Variants in CDH20 observed in about 807,000 individuals in gnomAD.
CDH20 encodes the protein cadherin-20.
In CDH20, 29 loss-of-function variants were observed where a neutral mutation model predicts 74.2. The ratio of observed to expected loss-of-function variants is 0.39; its 90% CI spans 0.29 to 0.53. The LOEUF (loss-of-function observed/expected upper bound fraction) is 0.53. Among genes scored for constraint, CDH20 ranks in the 20% least tolerant of loss-of-function variants. The probability of loss-of-function intolerance (pLI) is 0.69; values close to 1 mark genes in which losing one functional copy is unlikely to be tolerated. For synonymous variants in CDH20, 469 were observed against 405.4 expected (o/e 1.16, Z -1.88); for missense variants, 988 against 1,048.3 (o/e 0.94, Z 0.79).
intron 1 of CDH20, among the ~76,000 whole-genome samples, chr18:61,371,035 C>G (rs1911020979): frequency 6.6e-6 from 1 of 152,032 alleles, no homozygotes; most frequent in African/African-American, 2.4e-5. Flanking sequence ...TAATACAACT[C>G]TTTGTTGATG....
chr18:61,509,818 G>T (rs1454225434), intron 6 of CDH20, among the ~76,000 whole-genome samples: 1 of 152,150 alleles, frequency 6.6e-6, no homozygotes, highest in Admixed American at 6.5e-5. Flanking sequence ...TAGTGGGAAT[G>T]GAGGTGATAA....
rs560095288 is a variant in CDH20 at position 61,396,491 on chromosome 18, C to T, written c.-153+62664C>T. Reference sequence around the variant, plus strand: ...TCAAACTCAACCTCATCACAGCCCACTGATATTTCCAGAATCAACAGTGAC... The same window carrying T: ...TCAAACTCAACCTCATCACAGCCCATTGATATTTCCAGAATCAACAGTGAC... On this transcript the variant is annotated intron_variant, in intron 1 of 11. Transcript: ENST00000262717. 1.3e-4 allele frequency among the ~76,000 whole-genome samples: 20 copies of T among 152,284 alleles called. 1 individual carries two copies. In the South Asian group the frequency reaches 3.5e-3, roughly 27 times the overall value.
chr18:61,414,021 C>T (rs1912602499), intron 1 of CDH20, among the ~76,000 whole-genome samples: 1 of 152,146 alleles, frequency 6.6e-6, no homozygotes, highest in South Asian at 2.1e-4. Context: ...ATTTCTCACT[C>T]TGCTCTGTTG....
chr18:61,537,287 T>G (rs369363314), intron 8 of CDH20, among the ~76,000 whole-genome samples: 3 of 152,114 alleles, frequency 2.0e-5, no homozygotes, highest in African/African-American at 7.2e-5. Context: ...TGTATTGAGA[T>G]TCTCCAAAAT....
intron 1 of CDH20, among the ~76,000 whole-genome samples, chr18:61,489,079 C>G (rs1910869002): frequency 6.6e-6 from 1 of 152,214 alleles, no homozygotes; most frequent in South Asian, 2.1e-4. Context: ...GCACAGCCTC[C>G]CATTCTGCTA....
At chr18:61,538,529 T>C (rs539981488) in intron 8 of CDH20, among the ~76,000 whole-genome samples, 1 of 151,818 alleles carries the variant, frequency 6.6e-6, no homozygotes, top group East Asian at 1.9e-4. Flanking sequence ...ACCATCTCCA[T>C]GTACTTCATC....
chr18:61,495,390 C>T (rs979707513), intron 2 of CDH20, among the ~76,000 whole-genome samples: 5 of 152,294 alleles, frequency 3.3e-5, no homozygotes, highest in African/African-American at 1.2e-4. Context: ...GCCCCATGCT[C>T]ACCTTTCCAT....
intron 1 of CDH20, among the ~76,000 whole-genome samples, chr18:61,394,133 T>C (rs534415448): frequency 6.6e-6 from 1 of 152,290 alleles, no homozygotes; most frequent in South Asian, 2.1e-4. Flanking sequence ...TTTTGTTTCA[T>C]TCATTTGTAT....
At chr18:61,516,166 CTG>C (rs1253205300) in intron 6 of CDH20, among the ~76,000 whole-genome samples, 1 of 152,202 alleles carries the variant, frequency 6.6e-6, no homozygotes, top group East Asian at 1.9e-4. Context: ...ATATGAAAAA[CTG>C]TGCATCTTAC....
chr18:61,337,544 T>A (rs1039507929), intron 1 of CDH20, among the ~76,000 whole-genome samples: 1 of 152,228 alleles, frequency 6.6e-6, no homozygotes, highest in Admixed American at 6.5e-5. Flanking sequence ...GTGATTAATC[T>A]TTCACATTTA....
intron 1 of CDH20, among the ~76,000 whole-genome samples, chr18:61,483,284 T>C (rs922663016): frequency 1.3e-5 from 2 of 152,128 alleles, no homozygotes; most frequent in Non-Finnish European, 2.9e-5. Context: ...CATTTGCCAA[T>C]ACCCATGGTA....
Position 61,467,643 on chromosome 18 carries a change from T to C in CDH20, c.-152-22759T>C, listed in dbSNP as rs78906489. On this transcript the variant is annotated intron_variant, in intron 1 of 11. Transcript: ENST00000262717. Reference sequence around the variant, plus strand: ...GATAGTTTATGCCATAGGGATATTTTCTTCTCTACTTTTGGAAAGACAAAC... The same window carrying C: ...GATAGTTTATGCCATAGGGATATTTCCTTCTCTACTTTTGGAAAGACAAAC... 4.6e-4 allele frequency among the ~76,000 whole-genome samples: 70 copies of C among 152,336 alleles called. No individual in the cohort carries two copies. The East Asian group carries it at 0.012, about 26-fold the overall frequency.
chr18:61,503,998 T>C (rs1173322566), intron 5 of CDH20, among the ~76,000 whole-genome samples: 1 of 149,588 alleles, frequency 6.7e-6, no homozygotes, highest in Non-Finnish European at 1.5e-5. Context: ...GTCTCTACCA[T>C]CCTGGAGCTC....
chr18:61,535,844 G>C (rs899693497), intron 7 of CDH20, among the ~76,000 whole-genome samples: 1 of 152,108 alleles, frequency 6.6e-6, no homozygotes, highest in African/African-American at 2.4e-5. Flanking sequence ...TTTCCAGTAG[G>C]CTGTACCCCA....
At chr18:61,527,192 T>C (rs1314248579) in intron 6 of CDH20, among the ~76,000 whole-genome samples, 1 of 152,074 alleles carries the variant, frequency 6.6e-6, no homozygotes, top group African/African-American at 2.4e-5. Context: ...AAAATAATAG[T>C]AACAATAAAA....
At chr18:61,540,218 G>A (rs929264113) in intron 9 of CDH20, among the ~76,000 whole-genome samples, 1 of 152,164 alleles carries the variant, frequency 6.6e-6, no homozygotes, top group Non-Finnish European at 1.5e-5. Flanking sequence ...CTGTGGTCCT[G>A]TGGATGCTGG....
At chr18:61,405,516 G>T (rs1912302818) in intron 1 of CDH20, among the ~76,000 whole-genome samples, 1 of 152,220 alleles carries the variant, frequency 6.6e-6, no homozygotes, top group African/African-American at 2.4e-5. Flanking sequence ...CAGCCCAGGA[G>T]TTCGAGACTG....
chr18:61,463,007 A>G (rs1248875720), intron 1 of CDH20, among the ~76,000 whole-genome samples: 1 of 152,242 alleles, frequency 6.6e-6, no homozygotes, highest in Non-Finnish European at 1.5e-5. Flanking sequence ...AGGATTCAAC[A>G]TATTGTAGTA....
At chr18:61,351,782 T>G (rs1295324259) in intron 1 of CDH20, among the ~76,000 whole-genome samples, 1 of 152,124 alleles carries the variant, frequency 6.6e-6, no homozygotes. Context: ...CTACTACCTG[T>G]GTCATGAGAT....
Sources: gnomAD v4.1 joint callset for allele counts (sites outside exome capture counted in the v4.1 genomes callset) on GRCh38, gnomAD v4.1.1 for gene constraint, MANE v1.5 for transcripts, NCBI Gene and HGNC (gene_info 2026-07-23, HGNC 2026-07-21) for gene names.